Variants in ATP2A1 observed in about 807,000 individuals in gnomAD.
ATP2A1 encodes sarcoplasmic/endoplasmic reticulum calcium ATPase 1.
Under a neutral mutation model 109.5 loss-of-function variants are expected in ATP2A1, and 83 were observed. The observed-to-expected ratio is 0.76, with a 90% CI of 0.63 to 0.91. The LOEUF (loss-of-function observed/expected upper bound fraction) is 0.91, where lower values mean the gene tolerates loss of function less well. Ranked by LOEUF, ATP2A1 falls within the 40% of genes least tolerant of loss-of-function variation. ATP2A1 has a pLI of 0.00. For missense variants in ATP2A1, 1,101 were observed against 1,341.0 expected (o/e 0.82, Z 2.80); for synonymous variants, 505 against 537.6 (o/e 0.94, Z 0.84).
chr16:28,894,368 T>G (rs768878285), intron 10 of ATP2A1, 125 bp downstream of exon 10: 22 of 1,284,236 alleles, frequency 1.7e-5, no homozygotes, highest in Non-Finnish European at 2.2e-5. Context: ...CCTTGTTCTC[T>G]CTCCTGATAT....
intron 4 of ATP2A1, 57 bp downstream of exon 4, chr16:28,881,076 C>G: frequency 6.5e-7 from 1 of 1,529,872 alleles, no homozygotes; most frequent in Non-Finnish European, 9.1e-7. Flanking sequence ...AGAGGCCAAC[C>G]CTCCCTCCAG....
intron 8 of ATP2A1, 45 bp from the exon 9 acceptor site, chr16:28,888,741 AC>A: frequency 6.2e-7 from 1 of 1,601,954 alleles, no homozygotes; most frequent in Non-Finnish European, 8.5e-7. Flanking sequence ...GTTCCCTCAC[AC>A]CCTCCCCTTG....
chr16:28,888,996 T>C (rs751793171), intron 9 of ATP2A1, 43 bp downstream of exon 9: 12 of 1,610,958 alleles, frequency 7.4e-6, no homozygotes, highest in African/African-American at 1.3e-5. Flanking sequence ...GAAGGCTGCC[T>C]GTGGGGGTTA....
At position 28,902,816 on chromosome 16, in the gene ATP2A1, T is replaced by G; in HGVS notation, c.2649T>G (p.Phe883Leu). ...FMQCTEDNTHFEGIDCEVFEA... is the reference protein window; with the variant it reads ...FMQCTEDNTHLEGIDCEVFEA... The stretch of plus-strand genomic sequence containing the variant: ...AGTGCACCGAGGACAACACCCACTT[T>G]GAGGGCATAGACTGTGAGGTCTTCG... The change falls in exon 19 of 23, where the codon TTT (phenylalanine) becomes TTG (leucine). Residue 883 changes from phenylalanine (F) to leucine (L), a missense_variant. Phe to Leu is a conservative substitution (Grantham distance 22). Transcript: ENST00000395503. This position sits in a 1 kb window ranked among gnomAD's most constrained non-coding sequence, Gnocchi z 4.8. The G allele has an allele frequency of 8.7e-6, 14 of 1,613,926 alleles. No individual in the cohort carries two copies. The highest frequency in any genetic ancestry group is 1.2e-5 in the Non-Finnish European group (14 of 1,179,916).
At chr16:28,885,497 TCACA>T (rs1963592590) in intron 6 of ATP2A1, among the ~76,000 whole-genome samples, 1 of 151,844 alleles carries the variant, frequency 6.6e-6, no homozygotes, top group Non-Finnish European at 1.5e-5. Flanking sequence ...ACGTCCACCA[TCACA>T]CCCGGCTAAT....
At chr16:28,895,033 G>A (rs920052639) in intron 12 of ATP2A1, 80 bp downstream of exon 12, 67 of 1,590,610 alleles carry the variant, frequency 4.2e-5, no homozygotes, top group Non-Finnish European at 5.2e-5. Flanking sequence ...GCCCTGGTTG[G>A]GCAGAGCCTA....
At position 28,904,345 on chromosome 16, in the gene ATP2A1, G is replaced by C. The variant is rs886051884; in HGVS notation, c.*203G>C. 1.9e-6 allele frequency: 3 copies of C among 1,548,512 alleles called. No homozygotes were observed. The highest frequency in any genetic ancestry group is 2.6e-6 in the Non-Finnish European group (3 of 1,151,996). On this transcript the variant is annotated 3_prime_UTR_variant, in exon 23 of 23. Coordinates refer to ENST00000395503, the MANE Select transcript of ATP2A1 (RefSeq NM_004320.6). ...GTCCCCTTCCCTTTCCTTCCCCCTC[G>C]GCCACCCGCCTCCCTCTCAACCTTG... is the stretch of plus-strand genomic sequence containing the variant.
intron 11 of ATP2A1, 50 bp downstream of exon 11, chr16:28,894,657 A>C: frequency 6.2e-7 from 1 of 1,602,530 alleles, no homozygotes; most frequent in South Asian, 1.1e-5. Flanking sequence ...GCCTCCTCCG[A>C]AGGCCAGGAG....
Position 28,903,196 on chromosome 16 carries a change from A to ACGG in ATP2A1, c.2862+53_2862+55dup. 1 of 1,603,858 alleles carries ACGG rather than the reference A, an allele frequency of 6.2e-7. No individual in the cohort carries two copies. Among genetic ancestry groups the ACGG allele is most frequent in the Non-Finnish European group, 8.5e-7 (1 of 1,171,770 alleles). On this transcript the variant is annotated intron_variant, in intron 20 of 22. Coordinates refer to ENST00000395503, the MANE Select transcript of ATP2A1 (RefSeq NM_004320.6). This position sits in a 1 kb window ranked among gnomAD's most constrained non-coding sequence, Gnocchi z 5.6. ...CGCCCACCCCAGCACTGGGGAGCCC[A>ACGG]CGGCGGGCCCATGACCACTCCCACC... is the stretch of plus-strand genomic sequence containing the variant.
At chr16:28,882,693 C>G in intron 5 of ATP2A1, 104 bp downstream of exon 5, 1 of 1,522,154 alleles carries the variant, frequency 6.6e-7, no homozygotes, top group Non-Finnish European at 8.9e-7. Context: ...AGGAGGATGA[C>G]GGAGTCTGCT....
chr16:28,887,325 G>C (rs752115877), intron 7 of ATP2A1, 51 bp downstream of exon 7: 1 of 1,613,008 alleles, frequency 6.2e-7, no homozygotes. Context: ...CAGGTGCCCG[G>C]GTTGGAGAGA....
At chr16:28,886,217 G>C (rs536681581) in intron 6 of ATP2A1, among the ~76,000 whole-genome samples, 3 of 152,072 alleles carry the variant, frequency 2.0e-5, no homozygotes, top group Non-Finnish European at 2.9e-5. Context: ...CACACCTGTA[G>C]TCCCAGTTGT....
chr16:28,903,757 T>G lies in ATP2A1; in HGVS notation c.*37+16T>G. 1 of 1,612,130 alleles carries G rather than the reference T, an allele frequency of 6.2e-7. No individual in the cohort carries two copies. The highest frequency in any genetic ancestry group is 1.1e-5 in the South Asian group (1 of 91,036). On this transcript the variant is annotated intron_variant, in intron 22 of 22. Coordinates refer to ENST00000395503, the MANE Select transcript of ATP2A1 (RefSeq NM_004320.6). The surrounding 1 kb of genome is among the most constrained non-coding windows in gnomAD (Gnocchi z 5.6). ...CGTGTCACAGGTATCACCCCCTTCTTGCCCTCAGCCCAGCTGCTGTGCCCC... is the reference window on the plus strand; with the variant it reads ...CGTGTCACAGGTATCACCCCCTTCTGGCCCTCAGCCCAGCTGCTGTGCCCC...
At chr16:28,897,510 T>C (rs1400409662) in intron 12 of ATP2A1, among the ~76,000 whole-genome samples, 3 of 152,186 alleles carry the variant, frequency 2.0e-5, no homozygotes, top group Non-Finnish European at 4.4e-5. Context: ...AAAAAATAAG[T>C]AAATAAAAAT....
At chr16:28,882,639 C>T (rs761690959) in intron 5 of ATP2A1, 50 bp downstream of exon 5, 1 of 1,607,740 alleles carries the variant, frequency 6.2e-7, no homozygotes, top group Admixed American at 1.7e-5. Flanking sequence ...GGGGCTGAGG[C>T]CTAGGAGATG....
rs1596685569 is a variant in ATP2A1 at position 28,900,886 on chromosome 16, C to T, written c.2070C>T (p.Tyr690=). The change falls in exon 15 of 23, where the codon TAC becomes TAT. Residue 690 remains tyrosine (Y), a synonymous_variant. Coordinates refer to ENST00000395503, the MANE Select transcript of ATP2A1 (RefSeq NM_004320.6). ...EPSHKSKIVE[Y]LQSYDEITAM... ...CGCACAAGTCCAAGATTGTGGAGTA[C>T]CTGCAGTCCTACGATGAGATCACAG... 6.2e-7 allele frequency: 1 copy of T among 1,614,174 alleles called. No homozygotes were observed. Among genetic ancestry groups the T allele is most frequent in the Non-Finnish European group, 8.5e-7 (1 of 1,180,030 alleles).
Position 28,903,796 on chromosome 16 carries a change from C to A in ATP2A1, c.*37+55C>A. 1.3e-6 allele frequency: 2 copies of A among 1,494,634 alleles called. 1 individual carries two copies. Among genetic ancestry groups the A allele is most frequent in the Middle Eastern group, 3.4e-4 (2 of 5,844 alleles). 92.6% of individuals were successfully genotyped at this position (1,494,634 alleles called of 1,614,324 possible). A position where few individuals can be genotyped will look rare whatever the true frequency, so the allele number is the denominator to read the frequency against. ...CTGCTGTGCCCCTGCCACCCGCGCC[C>A]CCTCAGCCCCTTGCGCGTCGCATCC... On this transcript the variant is annotated intron_variant, in intron 22 of 22. Transcript: ENST00000395503. This position sits in a 1 kb window ranked among gnomAD's most constrained non-coding sequence, Gnocchi z 5.6.
At chr16:28,885,249 CAA>C (rs560935121) in intron 6 of ATP2A1, among the ~76,000 whole-genome samples, 122 of 122,252 alleles carry the variant, frequency 1.0e-3, no homozygotes, top group Admixed American at 1.7e-3. Flanking sequence ...GACCCCATCT[CAA>C]AAAAAAAAAA....
Position 28,903,359 on chromosome 16 carries a change from T to C in ATP2A1, c.2899T>C (p.Trp967Arg), listed in dbSNP as rs1393296998. The C allele has an allele frequency of 6.2e-7, 1 of 1,613,966 alleles. No individual in the cohort carries two copies. The highest frequency in any genetic ancestry group is 8.5e-7 in the Non-Finnish European group (1 of 1,179,950). Reference sequence around the variant, plus strand: ...GCTCCGGGCCCTGGACCTCACCCAGTGGCTCATGGTCCTCAAGATCTCACT... The same window carrying C: ...GCTCCGGGCCCTGGACCTCACCCAGCGGCTCATGGTCCTCAAGATCTCACT... Reference protein sequence around the residue: ...FKLRALDLTQWLMVLKISLPV... With the variant: ...FKLRALDLTQRLMVLKISLPV... Residue 967 changes from tryptophan (W) to arginine (R), a missense_variant, in exon 21 of 23, where the codon TGG (tryptophan) becomes CGG (arginine). Trp to Arg is a moderately radical substitution (Grantham distance 101). Transcript: ENST00000395503. The surrounding 1 kb of genome is among the most constrained non-coding windows in gnomAD (Gnocchi z 5.6).
Sources: gnomAD v4.1 joint callset for allele counts (sites outside exome capture counted in the v4.1 genomes callset) on GRCh38, gnomAD v4.1.1 for gene constraint, Gnocchi (gnomAD v3.1) non-coding constraint, MANE v1.5 for transcripts, NCBI Gene and HGNC (gene_info 2026-07-23, HGNC 2026-07-21) for gene names.